Variants in TMEM229B observed in about 807,000 individuals in gnomAD.
TMEM229B encodes the protein transmembrane protein 229B.
A neutral mutation model predicts 13.7 loss-of-function variants in TMEM229B; 6 were observed. That is an observed-to-expected ratio of 0.44 (90% CI 0.24 to 0.86). TMEM229B has a LOEUF of 0.86. Ranked by LOEUF, TMEM229B falls within the 40% of genes least tolerant of loss-of-function variation. TMEM229B has a pLI of 0.23. For synonymous variants in TMEM229B, 107 were observed against 102.1 expected (o/e 1.05, Z -0.29); for missense variants, 170 against 236.0 (o/e 0.72, Z 1.83).
At chr14:67,500,944 G>C (rs539869623) in intron 1 of TMEM229B, among the ~76,000 whole-genome samples, 1 of 151,712 alleles carries the variant, frequency 6.6e-6, no homozygotes, top group Non-Finnish European at 1.5e-5. Flanking sequence ...ACTCAAATGA[G>C]TAGCTGCATC....
At chr14:67,488,205 T>C (rs1418055134) in intron 1 of TMEM229B, among the ~76,000 whole-genome samples, 2 of 152,226 alleles carry the variant, frequency 1.3e-5, no homozygotes, top group Non-Finnish European at 2.9e-5. Flanking sequence ...TCTGTGCTGA[T>C]GCCCATGTCC....
chr14:67,492,083 C>G (rs969622959), upstream of TMEM229B, among the ~76,000 whole-genome samples: 1 of 152,208 alleles, frequency 6.6e-6, no homozygotes, highest in African/African-American at 2.4e-5. Context: ...CTCCTCTCCC[C>G]CTTCCTCCTC....
chr14:67,519,781 G>A (rs12590588), upstream of TMEM229B, among the ~76,000 whole-genome samples: 6,154 of 151,046 alleles, frequency 0.041, 165 homozygotes, highest in Non-Finnish European at 0.062. Flanking sequence ...GGAGTGCAGT[G>A]GCATGATCAT....
intron 2 of TMEM229B, among the ~76,000 whole-genome samples, chr14:67,485,807 T>C (rs1162251843): frequency 6.6e-6 from 1 of 152,252 alleles, no homozygotes; most frequent in East Asian, 1.9e-4. Context: ...CCTCTCACCC[T>C]ACCTCGAGCT....
chr14:67,512,633 T>A (rs1379318420), intron 1 of TMEM229B, among the ~76,000 whole-genome samples: 2 of 152,180 alleles, frequency 1.3e-5, no homozygotes, highest in African/African-American at 4.8e-5. Context: ...CCAGATCTGA[T>A]ACAGTTGCCG....
chr14:67,473,640 A>G lies in TMEM229B; in HGVS notation c.284T>C (p.Leu95Pro). 6.3e-7 allele frequency: 1 copy of G among 1,582,966 alleles called. No homozygotes were observed. Among genetic ancestry groups the G allele is most frequent in the Non-Finnish European group, 8.6e-7 (1 of 1,164,634 alleles). The change falls in exon 3 of 3, where the codon CTG becomes CCG. Residue 95 changes from leucine (L) to proline (P), a missense_variant. Physicochemically the swap from Leu to Pro is moderately conservative, Grantham distance 98 (BLOSUM62 -3). Transcript: ENST00000554480. The surrounding 1 kb of genome is among the most constrained non-coding windows in gnomAD (Gnocchi z 6.5). Reference sequence around the variant, plus strand: ...CCAGGGGCAGGCGTTGAACTGGCGCAGGATGAAGCCGGTGGTGAACTCCCA... The same window carrying G: ...CCAGGGGCAGGCGTTGAACTGGCGCGGGATGAAGCCGGTGGTGAACTCCCA... The part of the protein sequence containing the change: ...YLWEFTTGFI[L>P]RQFNACPWDY...
At chr14:67,484,005 A>G (rs918850469) in intron 2 of TMEM229B, among the ~76,000 whole-genome samples, 1 of 152,216 alleles carries the variant, frequency 6.6e-6, no homozygotes, top group Admixed American at 6.5e-5. Context: ...GGGGACTGGC[A>G]GGCTGGCATC....
At chr14:67,520,553 G>A (rs2033275687) in intron 1 of TMEM229B, among the ~76,000 whole-genome samples, 1 of 152,290 alleles carries the variant, frequency 6.6e-6, no homozygotes, top group Admixed American at 6.5e-5. Context: ...TCCATTGTCT[G>A]GATATACCAC....
At chr14:67,519,206 C>T (rs902485817), upstream of TMEM229B, among the ~76,000 whole-genome samples, 3 of 152,102 alleles carry the variant, frequency 2.0e-5, no homozygotes, top group Admixed American at 6.5e-5. Context: ...ACTCAGATCA[C>T]GTAGGATTCT....
At chr14:67,507,798 G>C (rs77853726) in intron 1 of TMEM229B, among the ~76,000 whole-genome samples, 1 of 152,156 alleles carries the variant, frequency 6.6e-6, no homozygotes, top group African/African-American at 2.4e-5. Context: ...GTGAGTATAA[G>C]GGTGTACAGA....
upstream of TMEM229B, among the ~76,000 whole-genome samples, chr14:67,493,711 G>T (rs1339137714): frequency 6.6e-6 from 1 of 152,048 alleles, no homozygotes; most frequent in African/African-American, 2.4e-5. Context: ...TTGGTTCAGG[G>T]ATGGATACAT....
intron 1 of TMEM229B, among the ~76,000 whole-genome samples, chr14:67,526,056 G>C (rs2033363465): frequency 6.6e-6 from 1 of 152,212 alleles, no homozygotes; most frequent in African/African-American, 2.4e-5. Context: ...AGACCTGTCT[G>C]TCAGCTCTAC....
rs747465801 is a variant in TMEM229B at position 67,473,849 on chromosome 14, C to T, written c.75G>A (p.Val25=). The T allele has an allele frequency of 2.1e-5, 34 of 1,613,142 alleles. No homozygotes were observed. In the South Asian group the frequency reaches 3.2e-4, roughly 15 times the overall value. ...CGAACTCCCAGGCCGCTGTGAACAT[C>T]ACCTCGCAGAAGTAGCCGTGGATGG... The part of the protein sequence containing the change: ...LYAIHGYFCE[V]MFTAAWEFVV... Residue 25 remains valine, a synonymous_variant, in exon 3 of 3, where the codon GTG becomes GTA. Transcript: ENST00000554480. This position sits in a 1 kb window ranked among gnomAD's most constrained non-coding sequence, Gnocchi z 6.5.
intron 2 of TMEM229B, among the ~76,000 whole-genome samples, chr14:67,475,757 G>A (rs1346557120): frequency 6.6e-6 from 1 of 152,168 alleles, no homozygotes; most frequent in African/African-American, 2.4e-5. Context: ...AACCCCACCA[G>A]TCTTCAACGC....
upstream of TMEM229B, among the ~76,000 whole-genome samples, chr14:67,515,735 C>A (rs2033186710): frequency 6.6e-6 from 1 of 152,230 alleles, no homozygotes; most frequent in Middle Eastern, 3.2e-3. Context: ...TTGTGGGGAC[C>A]AGGCGTGCAA....
chr14:67,505,164 G>A (rs2032772421), intron 1 of TMEM229B, among the ~76,000 whole-genome samples: 1 of 152,088 alleles, frequency 6.6e-6, no homozygotes, highest in South Asian at 2.1e-4. Flanking sequence ...TTCAAAAGAG[G>A]TGCGCAAGGG....
upstream of TMEM229B, among the ~76,000 whole-genome samples, chr14:67,491,301 A>G (rs2032158501): frequency 6.6e-6 from 1 of 152,142 alleles, no homozygotes; most frequent in African/African-American, 2.4e-5. Flanking sequence ...AAACCTATCA[A>G]ATCTTATTCA....
intron 1 of TMEM229B, among the ~76,000 whole-genome samples, chr14:67,505,198 A>G (rs1423930260): frequency 6.6e-6 from 1 of 152,142 alleles, no homozygotes; most frequent in Non-Finnish European, 1.5e-5. Context: ...CTGAGGGTAT[A>G]GAGGGTCAGA....
At chr14:67,502,525 T>C (rs1262270426) in intron 1 of TMEM229B, among the ~76,000 whole-genome samples, 2 of 147,034 alleles carry the variant, frequency 1.4e-5, no homozygotes, top group Non-Finnish European at 3.0e-5. Context: ...TGATCTCAGC[T>C]CACTGCAACC....
Sources: gnomAD v4.1 joint callset for allele counts (sites outside exome capture counted in the v4.1 genomes callset) on GRCh38, gnomAD v4.1.1 for gene constraint, Gnocchi (gnomAD v3.1) non-coding constraint, MANE v1.5 for transcripts, NCBI Gene and HGNC (gene_info 2026-07-23, HGNC 2026-07-21) for gene names.